Variants in MAMLD1 observed in about 807,000 individuals in gnomAD.
MAMLD1 encodes the protein mastermind-like domain-containing protein 1.
Under a neutral mutation model 45.0 loss-of-function variants are expected in MAMLD1, and 14 were observed. The ratio of observed to expected loss-of-function variants is 0.31; its 90% confidence interval spans 0.21 to 0.49. The LOEUF (loss-of-function observed/expected upper bound fraction) is 0.49, where lower values mean the gene tolerates loss of function less well. Among genes scored for constraint, MAMLD1 ranks in the 20% least tolerant of loss-of-function variants. The pLI, the probability that MAMLD1 is intolerant of heterozygous loss-of-function variation, is 0.99. For synonymous variants in MAMLD1, 254 were observed against 247.8 expected (o/e 1.02, Z -0.24); for missense variants, 543 against 603.6 (o/e 0.90, Z 1.05).
chrX:150,459,531 A>G (rs1336446415), intron 2 of MAMLD1, among the ~76,000 whole-genome samples: 1 of 107,639 alleles, frequency 9.3e-6, no homozygotes, highest in East Asian at 2.9e-4. Flanking sequence ...ACCCAAGTTC[A>G]CTCCCTGGTT....
At chrX:150,414,684 C>A (rs1359627447) in intron 1 of MAMLD1, among the ~76,000 whole-genome samples, 2 of 111,736 alleles carry the variant, frequency 1.8e-5, no homozygotes, top group African/African-American at 6.5e-5. Flanking sequence ...GGATAAATGG[C>A]AAGTTCTACA....
rs2033517825 is a variant in MAMLD1 at position 150,398,254 on chromosome X, GAA to G, written c.-64+34725_-64+34726del. The stretch of plus-strand genomic sequence containing the variant: ...AGAAGAAGGAGAAGGAGGAGAAGGA[GAA>G]GAAGAAGAAGAAGAAGAAGAAGAAG... On this transcript the variant is annotated intron_variant, in intron 1 of 7. Coordinates refer to ENST00000370401, the MANE Select transcript of MAMLD1 (RefSeq NM_005491.5). Among the ~76,000 whole-genome samples the G allele has an allele frequency of 3.2e-4, 7 of 21,876 alleles. 1 individual carries two copies. Among genetic ancestry groups the G allele is most frequent in the South Asian group, 5.2e-3 (1 of 194 alleles). 19.0% of individuals were successfully genotyped at this position (21,876 alleles called of 115,157 possible).
chrX:150,461,478 G>C (rs1003820847), intron 2 of MAMLD1, among the ~76,000 whole-genome samples: 2 of 111,969 alleles, frequency 1.8e-5, no homozygotes, highest in Non-Finnish European at 3.8e-5. Context: ...GTCTCTGGTG[G>C]AGTATTTCCT....
At chrX:150,401,700 A>G (rs1240455164) in intron 1 of MAMLD1, among the ~76,000 whole-genome samples, 1 of 112,068 alleles carries the variant, frequency 8.9e-6, no homozygotes, top group Non-Finnish European at 1.9e-5. Context: ...CCAAAACAGC[A>G]TGGTACTGGT....
intron 1 of MAMLD1, among the ~76,000 whole-genome samples, chrX:150,402,505 T>A (rs1347632144): frequency 9.0e-6 from 1 of 111,646 alleles, no homozygotes; most frequent in Non-Finnish European, 1.9e-5. Context: ...ATTGTGGAAG[T>A]CAGTGTGGCG....
chrX:150,434,330 C>G (rs1315670056), intron 1 of MAMLD1, among the ~76,000 whole-genome samples: 1 of 110,078 alleles, frequency 9.1e-6, no homozygotes, highest in African/African-American at 3.3e-5. Flanking sequence ...GTCTATCTGT[C>G]TTATTAATTC....
At chrX:150,413,141 C>G (rs1353673813) in intron 1 of MAMLD1, among the ~76,000 whole-genome samples, 1 of 111,804 alleles carries the variant, frequency 8.9e-6, no homozygotes, top group Non-Finnish European at 1.9e-5. Flanking sequence ...TTGCTGGTAT[C>G]TGTATTTCTT....
Position 150,404,873 on chromosome X carries a change from A to G in MAMLD1, c.-63-40581A>G, listed in dbSNP as rs143394273. On this transcript the variant is annotated intron_variant, in intron 1 of 7. Coordinates refer to ENST00000370401, the MANE Select transcript of MAMLD1 (RefSeq NM_005491.5). ...ATTCATTCCTTTCTACAAATTACTGAATAGTATTCTATTATATGAATTATA... is the reference window on the plus strand; with the variant it reads ...ATTCATTCCTTTCTACAAATTACTGGATAGTATTCTATTATATGAATTATA... Among the ~76,000 whole-genome samples, 6 of 112,322 alleles carry G rather than the reference A, an allele frequency of 5.3e-5. No individual in the cohort carries two copies. In the East Asian group the frequency reaches 1.7e-3, roughly 31 times the overall value.
chrX:150,495,995 A>AAAAAC (rs57162122), intron 5 of MAMLD1, among the ~76,000 whole-genome samples: 9,981 of 112,483 alleles, frequency 0.089, 396 homozygotes, highest in Middle Eastern at 0.19. Context: ...TTTTGTCTTT[A>AAAAAC]AAAACAAAAC....
chrX:150,511,920 G>C (rs1335977935), intron 7 of MAMLD1, 84 bp from the exon 8 acceptor site: 1 of 912,453 alleles, frequency 1.1e-6, no homozygotes, highest in African/African-American at 2.0e-5. Flanking sequence ...GTCCGTGTTG[G>C]GCCAGGAGCT....
intron 1 of MAMLD1, among the ~76,000 whole-genome samples, chrX:150,395,797 A>G (rs185971254): frequency 9.1e-6 from 1 of 110,283 alleles, no homozygotes; most frequent in East Asian, 2.8e-4. Context: ...TTCATTTATA[A>G]TATTAATAGG....
intron 1 of MAMLD1, among the ~76,000 whole-genome samples, chrX:150,421,606 G>C (rs1338087102): frequency 8.9e-6 from 1 of 112,310 alleles, no homozygotes; most frequent in East Asian, 2.8e-4. Context: ...GGAGACAGAG[G>C]CTAGACATGT....
intron 1 of MAMLD1, among the ~76,000 whole-genome samples, chrX:150,384,972 A>G (rs1557401997): frequency 1.8e-5 from 2 of 110,854 alleles, no homozygotes; most frequent in African/African-American, 6.6e-5. Flanking sequence ...AGCAAGTTTC[A>G]AGGGAACAAT....
At chrX:150,381,179 C>T (rs1194431188) in intron 1 of MAMLD1, among the ~76,000 whole-genome samples, 3 of 112,087 alleles carry the variant, frequency 2.7e-5, no homozygotes, top group African/African-American at 9.7e-5. Flanking sequence ...TCTTCCAGTA[C>T]CACACTGTTT....
At chrX:150,460,505 AG>A (rs1467519026) in intron 2 of MAMLD1, among the ~76,000 whole-genome samples, 1 of 111,972 alleles carries the variant, frequency 8.9e-6, no homozygotes, top group Non-Finnish European at 1.9e-5. Context: ...GACAGTGGAG[AG>A]GCAGGTCCCA....
intron 1 of MAMLD1, among the ~76,000 whole-genome samples, chrX:150,374,858 G>C (rs2124464044): frequency 9.0e-6 from 1 of 111,391 alleles, no homozygotes; most frequent in East Asian, 2.8e-4. Flanking sequence ...GGTCACACCG[G>C]GCATGAGAAG....
chrX:150,491,049 T>C (rs2037170285), intron 5 of MAMLD1, among the ~76,000 whole-genome samples: 1 of 111,858 alleles, frequency 8.9e-6, no homozygotes, highest in Admixed American at 9.5e-5. Flanking sequence ...GAGTTCTTTA[T>C]ACTGGTGAGG....
At chrX:150,374,140 G>A (rs686328) in intron 1 of MAMLD1, among the ~76,000 whole-genome samples, 36,326 of 111,702 alleles carry the variant, frequency 0.33, 4,822 homozygotes, top group African/African-American at 0.48. Flanking sequence ...TCTGATGAAA[G>A]CTCTGGGTCT....
chrX:150,373,643 G>A (rs1030513562), intron 1 of MAMLD1, among the ~76,000 whole-genome samples: 10 of 111,491 alleles, frequency 9.0e-5, no homozygotes, highest in Middle Eastern at 4.7e-3. Flanking sequence ...GCCAAATCCC[G>A]AGCAAATCGA....
Sources: gnomAD v4.1 joint callset for allele counts (sites outside exome capture counted in the v4.1 genomes callset) on GRCh38, gnomAD v4.1.1 for gene constraint, MANE v1.5 for transcripts, NCBI Gene and HGNC (gene_info 2026-07-23, HGNC 2026-07-21) for gene names.